The following NRXN1 variants were observed in gnomAD, a reference collection of about 807,000 sequenced individuals.
NRXN1 encodes the protein neurexin 1.
A neutral mutation model predicts 150.9 loss-of-function variants in NRXN1; 39 were observed. That is an observed-to-expected ratio of 0.26 (90% CI 0.20 to 0.34). The LOEUF (loss-of-function observed/expected upper bound fraction) is 0.34, where lower values mean the gene tolerates loss of function less well. Ranked by LOEUF, NRXN1 falls within the 10% of genes least tolerant of loss-of-function variation. The pLI is 1.00. For synonymous variants in NRXN1, 924 were observed against 757.0 expected, an observed-to-expected ratio of 1.22 and a Z score of -3.62; for missense variants, 1,815 against 1,949.9, an observed-to-expected ratio of 0.93 and a Z score of 1.30.
chr2:50,130,142 G>A (rs1233397117), intron 18 of NRXN1, among the ~76,000 whole-genome samples: 4 of 152,072 alleles, frequency 2.6e-5, no homozygotes, highest in African/African-American at 4.8e-5. Context: ...TCTTTCCACT[G>A]ATGTCCTCCC....
At chr2:50,559,055 C>T (rs1378805335) in intron 8 of NRXN1, among the ~76,000 whole-genome samples, 1 of 152,116 alleles carries the variant, frequency 6.6e-6, no homozygotes, top group African/African-American at 2.4e-5. Flanking sequence ...GCACTCCAGC[C>T]TGGGTGACAG....
intron 9 of NRXN1, among the ~76,000 whole-genome samples, chr2:50,551,011 G>GGAGGAA (rs1172928653): frequency 0.099 from 11,666 of 118,264 alleles, 1,743 homozygotes; most frequent in East Asian, 0.18. Flanking sequence ...AAGAAGAGGA[G>GGAGGAA]GAGGAAGAGG....
chr2:50,513,871 T>A (rs2092546307), intron 12 of NRXN1, among the ~76,000 whole-genome samples: 1 of 152,162 alleles, frequency 6.6e-6, no homozygotes, highest in Non-Finnish European at 1.5e-5. Flanking sequence ...CTTAGATGTA[T>A]GTGCCCCAAG....
At chr2:50,375,069 A>G (rs2080383019) in intron 17 of NRXN1, among the ~76,000 whole-genome samples, 1 of 152,188 alleles carries the variant, frequency 6.6e-6, no homozygotes, top group African/African-American at 2.4e-5. Flanking sequence ...AAATTTGTTT[A>G]TATCTTAGTG....
chr2:50,036,126 G>C (rs750772036), intron 21 of NRXN1, among the ~76,000 whole-genome samples: 1 of 152,002 alleles, frequency 6.6e-6, no homozygotes, highest in Non-Finnish European at 1.5e-5. Context: ...TTATAATCCC[G>C]GTAATCCTCA....
intron 18 of NRXN1, among the ~76,000 whole-genome samples, chr2:50,172,314 A>G (rs1295807085): frequency 6.6e-6 from 1 of 152,136 alleles, no homozygotes; most frequent in Non-Finnish European, 1.5e-5. Flanking sequence ...AGAAGTAATA[A>G]CAAGGGAAAT....
At chr2:51,025,563 C>T (rs1670313204) in intron 2 of NRXN1, among the ~76,000 whole-genome samples, 1 of 152,108 alleles carries the variant, frequency 6.6e-6, no homozygotes, top group Non-Finnish European at 1.5e-5. Flanking sequence ...AGCTATATTT[C>T]ATGGGTCCTT....
chr2:50,424,520 G>C (rs2084327073), intron 17 of NRXN1, among the ~76,000 whole-genome samples: 1 of 152,002 alleles, frequency 6.6e-6, no homozygotes, highest in African/African-American at 2.4e-5. Context: ...TAAATGACAG[G>C]GAGAATATGG....
At chr2:50,480,174 A>G (rs1481642341) in intron 15 of NRXN1, among the ~76,000 whole-genome samples, 2 of 152,232 alleles carry the variant, frequency 1.3e-5, no homozygotes, top group African/African-American at 4.8e-5. Flanking sequence ...GTAACTTGAT[A>G]GAGTAATACA....
intron 17 of NRXN1, among the ~76,000 whole-genome samples, chr2:50,278,071 T>C (rs867259150): frequency 0.13 from 15,472 of 116,234 alleles, 792 homozygotes; most frequent in African/African-American, 0.21. Flanking sequence ...CTCTCTCTTT[T>C]TTTTTTTTTT....
chr2:50,307,195 GC>G (rs2074702450), intron 17 of NRXN1, among the ~76,000 whole-genome samples: 1 of 152,038 alleles, frequency 6.6e-6, no homozygotes, highest in South Asian at 2.1e-4. Flanking sequence ...TTTTGGCCAG[GC>G]TGGTCTCGAA....
intron 10 of NRXN1, among the ~76,000 whole-genome samples, chr2:50,531,929 A>G (rs2093126839): frequency 6.6e-6 from 1 of 151,996 alleles, no homozygotes; most frequent in South Asian, 2.1e-4. Context: ...CACTGCAGCC[A>G]TGACCTCCTG....
chr2:50,218,277 C>T (rs546758892), intron 18 of NRXN1, among the ~76,000 whole-genome samples: 1 of 151,956 alleles, frequency 6.6e-6, no homozygotes, highest in African/African-American at 2.4e-5. Context: ...CTTTAAAGCC[C>T]TCAAGAAGTG....
At chr2:50,965,153 T>C (rs1172190289) in intron 2 of NRXN1, among the ~76,000 whole-genome samples, 3 of 151,322 alleles carry the variant, frequency 2.0e-5, no homozygotes, top group Admixed American at 6.6e-5. Flanking sequence ...TGATTATATA[T>C]ACACACATAT....
At chr2:50,919,371 GTTAA>G (rs1685669380) in intron 5 of NRXN1, 1 of 151,682 alleles carries the variant, frequency 6.6e-6, no homozygotes, top group Non-Finnish European at 1.5e-5. Flanking sequence ...TTTTACATGT[GTTAA>G]TTATTTTTTA....
intron 8 of NRXN1, among the ~76,000 whole-genome samples, chr2:50,553,686 T>G (rs1463074993): frequency 1.1e-4 from 16 of 152,246 alleles, no homozygotes; most frequent in Admixed American, 1.0e-3. Flanking sequence ...AATATGGTGC[T>G]TCCCCTCAAT....
intron 17 of NRXN1, among the ~76,000 whole-genome samples, chr2:50,428,091 T>C (rs1164118413): frequency 1.3e-5 from 2 of 152,092 alleles, no homozygotes; most frequent in African/African-American, 2.4e-5. Flanking sequence ...AGGGGGATTG[T>C]CAATCAAGAG....
chr2:50,092,182 A>C (rs2152698424), intron 18 of NRXN1, among the ~76,000 whole-genome samples: 1 of 152,330 alleles, frequency 6.6e-6, no homozygotes, highest in East Asian at 1.9e-4. Context: ...AGTTGAAGCA[A>C]AGATACCGTT....
intron 17 of NRXN1, among the ~76,000 whole-genome samples, chr2:50,315,057 T>G (rs2075483245): frequency 6.6e-6 from 1 of 152,016 alleles, no homozygotes; most frequent in Non-Finnish European, 1.5e-5. Context: ...AGATAACCAG[T>G]TCGGTGTATA....
Sources: allele counts gnomAD v4.1 joint callset (sites outside exome capture counted in the v4.1 genomes callset), GRCh38; gene constraint gnomAD v4.1.1; transcripts MANE v1.5; gene names NCBI Gene and HGNC (gene_info 2026-07-23, HGNC 2026-07-21).